ABHD6: variants seen among roughly 807,000 people sequenced by gnomAD.
ABHD6 encodes abhydrolase domain containing 6, acylglycerol lipase, also known as monoacylglycerol lipase ABHD6.
ABHD6 carries 33 observed loss-of-function variants against 38.8 expected under a neutral mutation model. The ratio of observed to expected loss-of-function variants is 0.85; its 90% CI spans 0.64 to 1.14. The LOEUF is 1.14. ABHD6 is among the 50% of genes most tolerant of loss of function. The probability of loss-of-function intolerance (pLI) is 0.00; values close to 1 mark genes in which losing one functional copy is unlikely to be tolerated. For synonymous variants in ABHD6, 147 were observed against 161.6 expected (o/e 0.91, Z 0.69); for missense variants, 380 against 422.6 (o/e 0.90, Z 0.88).
chr3:58,271,035 T>C lies in ABHD6; in HGVS notation c.494T>C (p.Val165Ala). ...GVYAAYYPSD[V>A]SSLCLVCPAG... ...TATGCTGCTTACTACCCATCGGATG[T>C]CTCCAGCCTGTGTCTCGTGTGTCCT... The change falls in exon 6 of 10, where the codon GTC (valine) becomes GCC (alanine). Residue 165 changes from valine (V) to alanine (A), a missense_variant. Physicochemically the swap from Val to Ala is moderately conservative, Grantham distance 64. Coordinates refer to ENST00000478253, the MANE Select transcript of ABHD6 (RefSeq NM_001320126.2). 6.2e-7 allele frequency: 1 copy of C among 1,610,300 alleles called. No homozygotes were observed.
chr3:58,257,004 A>G lies in ABHD6; in HGVS notation c.119+299A>G, dbSNP rs558545324. On this transcript the variant is annotated intron_variant, in intron 3 of 9. Coordinates refer to ENST00000478253, the MANE Select transcript of ABHD6 (RefSeq NM_001320126.2). The surrounding 1 kb of genome is among the most constrained non-coding windows in gnomAD (Gnocchi z 4.8). ...CTGCAACCTCCACCTCCTGGCTTCA[A>G]TCAATTTTCCTGCTTCAGCCTCCAA... Among the ~76,000 whole-genome samples the G allele has an allele frequency of 1.1e-4, 16 of 152,162 alleles. No individual in the cohort carries two copies. The East Asian group carries it at 1.7e-3, about 17-fold the overall frequency.
intron 1 of ABHD6, among the ~76,000 whole-genome samples, chr3:58,244,997 G>A (rs979094532): frequency 6.6e-6 from 1 of 152,192 alleles, no homozygotes; most frequent in African/African-American, 2.4e-5. Flanking sequence ...TGGCTAGAAA[G>A]AAGATGTGGA....
intron 9 of ABHD6, among the ~76,000 whole-genome samples, chr3:58,286,860 A>ATATG (rs1553721743): frequency 6.2e-4 from 75 of 121,266 alleles, no homozygotes; most frequent in Middle Eastern, 3.8e-3. Context: ...GTGTATATAT[A>ATATG]TATATATATG....
intron 9 of ABHD6, among the ~76,000 whole-genome samples, chr3:58,292,504 T>G (rs2097463953): frequency 6.6e-6 from 1 of 151,714 alleles, no homozygotes. Context: ...AGGAAATGAG[T>G]TGTTTGAAAA....
chr3:58,290,539 G>A (rs1185044911), intron 9 of ABHD6, among the ~76,000 whole-genome samples: 8 of 137,272 alleles, frequency 5.8e-5, no homozygotes, highest in Admixed American at 1.4e-4. Context: ...CCTCCCTCCC[G>A]GACGGGTCGG....
intron 9 of ABHD6, among the ~76,000 whole-genome samples, chr3:58,290,071 C>T (rs1387960521): frequency 1.8e-5 from 2 of 113,890 alleles, no homozygotes; most frequent in East Asian, 5.8e-4. Context: ...CCGGACGGGG[C>T]GGCTGGCCGG....
chr3:58,267,051 G>A lies in ABHD6; in HGVS notation c.120-138G>A. Reference sequence around the variant, plus strand: ...GGGTAAAGCTCAGGAGGACTCTAGAGACTGATGGAGGACAAGGGCTGGAGA... The same window carrying A: ...GGGTAAAGCTCAGGAGGACTCTAGAAACTGATGGAGGACAAGGGCTGGAGA... On this transcript the variant is annotated intron_variant, in intron 3 of 9. Coordinates refer to ENST00000478253, the MANE Select transcript of ABHD6 (RefSeq NM_001320126.2). The surrounding 1 kb of genome is among the most constrained non-coding windows in gnomAD (Gnocchi z 4.3). 1 of 924,140 alleles carries A rather than the reference G, an allele frequency of 1.1e-6. No individual in the cohort carries two copies. Among genetic ancestry groups the A allele is most frequent in the Non-Finnish European group, 1.6e-6 (1 of 610,470 alleles). 57.2% of individuals were successfully genotyped at this position (924,140 alleles called of 1,614,324 possible). A position where few individuals can be genotyped will look rare whatever the true frequency, so the allele number is the denominator to read the frequency against.
At chr3:58,264,387 G>GCACACACACACACACA (rs61099164) in intron 3 of ABHD6, among the ~76,000 whole-genome samples, 6 of 132,210 alleles carry the variant, frequency 4.5e-5, no homozygotes, top group African/African-American at 5.8e-5. Context: ...TTATATAAAC[G>GCACACACACACACACA]CACACACACA....
chr3:58,271,092 G>A (rs761198646), intron 6 of ABHD6, 28 bp downstream of exon 6: 7 of 1,566,650 alleles, frequency 4.5e-6, no homozygotes, highest in South Asian at 1.2e-5. Flanking sequence ...AACATCCCTC[G>A]GCAGGGATGA....
At chr3:58,253,167 GT>G (rs5849245) in intron 2 of ABHD6, among the ~76,000 whole-genome samples, 106,918 of 148,292 alleles carry the variant, frequency 0.72, 39,184 homozygotes, top group East Asian at 0.99. Flanking sequence ...GCACAGAGGG[GT>G]TTTTTTTTTT....
At position 58,293,708 on chromosome 3, in the gene ABHD6, C is replaced by G. The variant is rs538867144; in HGVS notation, c.957C>G (p.Leu319=). 2 of 1,614,108 alleles carry G rather than the reference C, an allele frequency of 1.2e-6. No individual in the cohort carries two copies. Among genetic ancestry groups the G allele is most frequent in the Admixed American group, 1.7e-5 (1 of 60,012 alleles). The change falls in exon 10 of 10, where the codon CTC becomes CTG. Residue 319 remains leucine, a synonymous_variant. Coordinates refer to ENST00000478253, the MANE Select transcript of ABHD6 (RefSeq NM_001320126.2). This position sits in a 1 kb window ranked among gnomAD's most constrained non-coding sequence, Gnocchi z 4.4. The stretch of plus-strand genomic sequence containing the variant: ...AAAGACCCAGGAAGACAGCCAAGCT[C>G]ATAATCGACTTTTTAGCTTCTGTGC... The part of the protein sequence containing the change: ...VMERPRKTAK[L]IIDFLASVHN...
At chr3:58,277,635 T>A (rs2097449715) in intron 7 of ABHD6, among the ~76,000 whole-genome samples, 1 of 152,238 alleles carries the variant, frequency 6.6e-6, no homozygotes, top group South Asian at 2.1e-4. Context: ...GGGCAGAACT[T>A]CCAACACTAT....
Position 58,267,422 on chromosome 3 carries a change from T to C in ABHD6, c.276+77T>C. ...GCTCATGCCTATAATCCCAGCACTT[T>C]GGGAGCCTGAGGCAGGAGGATTGCT... is the stretch of plus-strand genomic sequence containing the variant. On this transcript the variant is annotated intron_variant, in intron 4 of 9. Coordinates refer to ENST00000478253, the MANE Select transcript of ABHD6 (RefSeq NM_001320126.2). This position sits in a 1 kb window ranked among gnomAD's most constrained non-coding sequence, Gnocchi z 4.3. The C allele has an allele frequency of 1.9e-6, 3 of 1,565,654 alleles. No homozygotes were observed. Among genetic ancestry groups the C allele is most frequent in the Admixed American group, 3.6e-5 (2 of 55,650 alleles).
At position 58,287,486 on chromosome 3, in the gene ABHD6, G is replaced by A. The variant is rs1170388322; in HGVS notation, c.837+2033G>A. Among the ~76,000 whole-genome samples, 5 of 151,034 alleles carry A rather than the reference G, an allele frequency of 3.3e-5. No homozygotes were observed. The highest frequency in any genetic ancestry group is 1.2e-4 in the African/African-American group (5 of 41,054). On this transcript the variant is annotated intron_variant, in intron 9 of 9. Coordinates refer to ENST00000478253, the MANE Select transcript of ABHD6 (RefSeq NM_001320126.2). This position sits in a 1 kb window ranked among gnomAD's most constrained non-coding sequence, Gnocchi z 4.7. Reference sequence around the variant, plus strand: ...AATAAGAGGCAATGGTGTCTTAGATGAGCCAGGCATGGTGAGGATTCACAG... The same window carrying A: ...AATAAGAGGCAATGGTGTCTTAGATAAGCCAGGCATGGTGAGGATTCACAG...
chr3:58,250,169 G>A (rs762087337), intron 2 of ABHD6, among the ~76,000 whole-genome samples: 33 of 152,132 alleles, frequency 2.2e-4, no homozygotes, highest in Non-Finnish European at 4.4e-4. Context: ...GACTATGTGG[G>A]GGAACCTGGC....
At chr3:58,243,689 C>A (rs2097424387) in intron 1 of ABHD6, among the ~76,000 whole-genome samples, 1 of 151,472 alleles carries the variant, frequency 6.6e-6, no homozygotes, top group African/African-American at 2.4e-5. Context: ...GAGACAGAGT[C>A]TCACTCTGTT....
In ABHD6 at chr3:58,267,146, A is replaced by C. The variant is rs1409868061; in HGVS notation, c.120-43A>C. On this transcript the variant is annotated intron_variant, in intron 3 of 9. Coordinates refer to ENST00000478253, the MANE Select transcript of ABHD6 (RefSeq NM_001320126.2). This position sits in a 1 kb window ranked among gnomAD's most constrained non-coding sequence, Gnocchi z 4.3. ...GCCCATCTTGAAGCCACTCATCTAG[A>C]GCTTACTGATTTCGTTTTGTCTTTA... The C allele has an allele frequency of 6.2e-7, 1 of 1,606,518 alleles. No individual in the cohort carries two copies. Among genetic ancestry groups the C allele is most frequent in the Non-Finnish European group, 8.5e-7 (1 of 1,175,862 alleles).
At chr3:58,261,958 G>A (rs1420471445) in intron 3 of ABHD6, among the ~76,000 whole-genome samples, 6 of 152,108 alleles carry the variant, frequency 3.9e-5, no homozygotes, top group Non-Finnish European at 8.8e-5. Context: ...ACAGACAAAT[G>A]GATAAACAAA....
chr3:58,240,888 G>A (rs144840516), intron 1 of ABHD6, among the ~76,000 whole-genome samples: 2,832 of 152,098 alleles, frequency 0.019, 37 homozygotes, highest in Non-Finnish European at 0.027. Context: ...GCACAAGCAC[G>A]CCTGGCTAAT....
Sources: allele counts gnomAD v4.1 joint callset (sites outside exome capture counted in the v4.1 genomes callset), GRCh38; gene constraint gnomAD v4.1.1; non-coding constraint Gnocchi (gnomAD v3.1); transcripts MANE v1.5; gene names NCBI Gene and HGNC (gene_info 2026-07-23, HGNC 2026-07-21).